The following GPD2 variants were observed in gnomAD, a reference collection of about 807,000 sequenced individuals.
The protein encoded by GPD2 is glycerol-3-phosphate dehydrogenase 2.
GPD2 carries 54 observed loss-of-function variants against 82.4 expected under a neutral mutation model. The observed-to-expected ratio is 0.66, with a 90% CI of 0.53 to 0.82. The LOEUF (loss-of-function observed/expected upper bound fraction) is 0.82, where lower values mean the gene tolerates loss of function less well. GPD2 is among the 40% of genes least tolerant of loss of function. The pLI, the probability that GPD2 is intolerant of heterozygous loss-of-function variation, is 0.00. For missense variants in GPD2, 748 were observed against 896.2 expected (o/e 0.83, Z 2.11); for synonymous variants, 288 against 306.1 (o/e 0.94, Z 0.62).
upstream of GPD2, among the ~76,000 whole-genome samples, chr2:156,435,009 C>T (rs999244512): frequency 6.6e-6 from 1 of 152,054 alleles, no homozygotes; most frequent in East Asian, 1.9e-4. Context: ...CCTCCCTGCC[C>T]CCTCCCCCCA....
chr2:156,408,582 A>T, the GPD2 span, among the ~76,000 whole-genome samples: 13 of 151,742 alleles, frequency 8.6e-5, no homozygotes, highest in African/African-American at 1.2e-4. Context: ...TACAAAAAGT[A>T]AAAAAACTAG....
the GPD2 span, among the ~76,000 whole-genome samples, chr2:156,416,615 G>A: frequency 6.7e-6 from 1 of 149,940 alleles, no homozygotes; most frequent in African/African-American, 2.5e-5. Flanking sequence ...CTCCCACCTT[G>A]GCCTCCCAAA....
chr2:156,418,368 C>A, the GPD2 span, among the ~76,000 whole-genome samples: 1 of 149,648 alleles, frequency 6.7e-6, no homozygotes, highest in East Asian at 2.0e-4. Flanking sequence ...CCGGCCTGGG[C>A]GACAGAAATA....
the GPD2 span, among the ~76,000 whole-genome samples, chr2:156,422,289 C>A: frequency 6.6e-6 from 1 of 152,034 alleles, no homozygotes; most frequent in African/African-American, 2.4e-5. Flanking sequence ...TGGCACATTA[C>A]CCATCTGATG....
chr2:156,553,435 T>G (rs1686840084), intron 8 of GPD2, among the ~76,000 whole-genome samples: 1 of 152,164 alleles, frequency 6.6e-6, no homozygotes, highest in Non-Finnish European at 1.5e-5. Context: ...ATATAGAGAA[T>G]TCAAACTATG....
intron 1 of GPD2, among the ~76,000 whole-genome samples, chr2:156,438,034 C>CT (rs1332572931): frequency 6.6e-6 from 1 of 152,196 alleles, no homozygotes; most frequent in Non-Finnish European, 1.5e-5. Flanking sequence ...GTCTTGCATA[C>CT]TTTCAAAACT....
At chr2:156,504,955 A>C (rs1684731030) in intron 3 of GPD2, among the ~76,000 whole-genome samples, 1 of 152,102 alleles carries the variant, frequency 6.6e-6, no homozygotes, top group Non-Finnish European at 1.5e-5. Context: ...GGAGAGTTTT[A>C]TTTTATTCTC....
chr2:156,426,858 C>T, the GPD2 span, among the ~76,000 whole-genome samples: 3 of 152,052 alleles, frequency 2.0e-5, no homozygotes, highest in Admixed American at 6.5e-5. Flanking sequence ...ATTTAAGATT[C>T]TGTGGCAGTC....
Position 156,496,090 on chromosome 2 carries a change from T to C in GPD2, c.149T>C (p.Val50Ala), listed in dbSNP as rs749906240. The C allele has an allele frequency of 1.2e-5, 19 of 1,612,986 alleles. No homozygotes were observed. Among genetic ancestry groups the C allele is most frequent in the Admixed American group, 1.7e-5 (1 of 59,994 alleles). ...VKAADCISEP[V>A]NREPPSREAQ... Reference sequence around the variant, plus strand: ...GCAGCAGACTGCATTTCAGAACCAGTTAACAGGGAGCCTCCTTCCAGAGAA... The same window carrying C: ...GCAGCAGACTGCATTTCAGAACCAGCTAACAGGGAGCCTCCTTCCAGAGAA... The change falls in exon 3 of 17, where the codon GTT becomes GCT. Residue 50 changes from valine (V) to alanine (A), a missense_variant. Val to Ala is a moderately conservative substitution (Grantham distance 64, BLOSUM62 0). Coordinates refer to ENST00000438166, the MANE Select transcript of GPD2 (RefSeq NM_000408.5).
intron 9 of GPD2, among the ~76,000 whole-genome samples, chr2:156,559,657 G>A (rs548272778): frequency 1.3e-5 from 2 of 152,232 alleles, no homozygotes; most frequent in African/African-American, 4.8e-5. Context: ...TTAATCTAAA[G>A]TAATGGATGT....
At chr2:156,423,446 T>C in the GPD2 span, among the ~76,000 whole-genome samples, 15 of 152,188 alleles carry the variant, frequency 9.9e-5, no homozygotes, top group Non-Finnish European at 2.1e-4. Flanking sequence ...AAAGAGCATT[T>C]TTGGTTAGTT....
chr2:156,402,012 A>G, the GPD2 span, among the ~76,000 whole-genome samples: 1 of 152,196 alleles, frequency 6.6e-6, no homozygotes, highest in Non-Finnish European at 1.5e-5. Context: ...TTTGGGGAAA[A>G]GTTATGAGAA....
chr2:156,457,955 GT>G (rs1327730505), intron 1 of GPD2, among the ~76,000 whole-genome samples: 1 of 152,222 alleles, frequency 6.6e-6, no homozygotes, highest in Non-Finnish European at 1.5e-5. Context: ...AAAGCTCATA[GT>G]CACACAGCTA....
At chr2:156,408,278 A>G in the GPD2 span, among the ~76,000 whole-genome samples, 1 of 152,150 alleles carries the variant, frequency 6.6e-6, no homozygotes, top group East Asian at 1.9e-4. Flanking sequence ...TAAATTACCA[A>G]GATTCTTCTC....
chr2:156,527,105 G>A (rs1192344076), intron 6 of GPD2, among the ~76,000 whole-genome samples: 1 of 152,048 alleles, frequency 6.6e-6, no homozygotes, highest in Admixed American at 6.6e-5. Flanking sequence ...GAGTTATTCT[G>A]CAGATGACAC....
At chr2:156,450,868 A>G (rs1486962919) in intron 1 of GPD2, among the ~76,000 whole-genome samples, 3 of 129,918 alleles carry the variant, frequency 2.3e-5, no homozygotes, top group African/African-American at 2.9e-5. Flanking sequence ...GATGACTCTT[A>G]ACGAGCATGC....
In GPD2 at chr2:156,469,122, C is replaced by T. The variant is rs140918526; in HGVS notation, c.-8-6976C>T. 4.4e-4 allele frequency among the ~76,000 whole-genome samples: 67 copies of T among 152,226 alleles called. 1 individual carries two copies. Among genetic ancestry groups the T allele is most frequent in the Non-Finnish European group, 8.4e-4 (57 of 67,998 alleles). On this transcript the variant is annotated intron_variant, in intron 1 of 16. Transcript: ENST00000438166. Reference sequence around the variant, plus strand: ...TATTTATTTCACTTAACATGATGTCCTCCAGTTTTACCCGTGTTGTTGCAA... The same window carrying T: ...TATTTATTTCACTTAACATGATGTCTTCCAGTTTTACCCGTGTTGTTGCAA...
chr2:156,413,623 G>A, the GPD2 span, among the ~76,000 whole-genome samples: 1 of 151,280 alleles, frequency 6.6e-6, no homozygotes, highest in South Asian at 2.1e-4. Context: ...AAATAAATAA[G>A]GCCTGGCCCA....
chr2:156,544,756 C>T (rs911191238), intron 6 of GPD2, among the ~76,000 whole-genome samples: 2 of 152,144 alleles, frequency 1.3e-5, no homozygotes, highest in African/African-American at 2.4e-5. Context: ...TTTTATAGGA[C>T]ACTGAAGCCC....
Sources: allele counts gnomAD v4.1 joint callset (sites outside exome capture counted in the v4.1 genomes callset), GRCh38; gene constraint gnomAD v4.1.1; transcripts MANE v1.5; gene names NCBI Gene and HGNC (gene_info 2026-07-23, HGNC 2026-07-21).